Variants in PTPRT observed in about 807,000 individuals in gnomAD.
PTPRT encodes the protein receptor-type tyrosine-protein phosphatase T.
Under a neutral mutation model 176.8 loss-of-function variants are expected in PTPRT, and 56 were observed. The ratio of observed to expected loss-of-function variants is 0.32; its 90% CI spans 0.26 to 0.40. PTPRT has a LOEUF of 0.40. Ranked by LOEUF, PTPRT falls within the 10% of genes least tolerant of loss-of-function variation. The pLI is 1.00. For synonymous variants in PTPRT, 783 were observed against 739.0 expected, an observed-to-expected ratio of 1.06 and a Z score of -0.96; for missense variants, 1,540 against 1,908.2, an observed-to-expected ratio of 0.81 and a Z score of 3.60.
At chr20:42,611,588 C>A (rs1011707469) in intron 7 of PTPRT, among the ~76,000 whole-genome samples, 1 of 152,198 alleles carries the variant, frequency 6.6e-6, no homozygotes, top group African/African-American at 2.4e-5. Flanking sequence ...CGTCACGCCA[C>A]CTGCATAGCC....
At position 42,075,129 on chromosome 20, in the gene PTPRT, A is replaced by T; in HGVS notation, c.*5750T>A. ...CATGTATACATGGAAAACCTCCAAC[A>T]GGGAAACTTTGCATGGGAGGAGTAA... On this transcript the variant is annotated 3_prime_UTR_variant, in exon 31 of 31. Coordinates refer to ENST00000373187, the MANE Select transcript of PTPRT (RefSeq NM_007050.6). The T allele has an allele frequency of 3.1e-6, 1 of 326,942 alleles. No individual in the cohort carries two copies. Among genetic ancestry groups the T allele is most frequent in the East Asian group, 4.5e-5 (1 of 22,360 alleles). 20.3% of individuals were successfully genotyped at this position (326,942 alleles called of 1,614,324 possible).
chr20:42,239,517 G>A (rs1443703519), intron 14 of PTPRT, among the ~76,000 whole-genome samples: 2 of 150,494 alleles, frequency 1.3e-5, no homozygotes, highest in African/African-American at 4.9e-5. Context: ...CCACCTCCCG[G>A]GTCCACGCCA....
chr20:42,764,885 A>T (rs972759176), intron 5 of PTPRT, among the ~76,000 whole-genome samples: 2 of 152,188 alleles, frequency 1.3e-5, no homozygotes, highest in Non-Finnish European at 2.9e-5. Flanking sequence ...GTTCAGATGC[A>T]GGCAGGTAGG....
chr20:42,795,378 A>C (rs1160067851), intron 2 of PTPRT, among the ~76,000 whole-genome samples: 1 of 152,220 alleles, frequency 6.6e-6, no homozygotes, highest in Non-Finnish European at 1.5e-5. Flanking sequence ...TCTGCAACAC[A>C]GATCTCCTTT....
At chr20:42,622,342 T>C (rs568582215) in intron 7 of PTPRT, among the ~76,000 whole-genome samples, 57 of 151,988 alleles carry the variant, frequency 3.8e-4, no homozygotes, top group African/African-American at 7.2e-4. Flanking sequence ...CCTGGGTTCA[T>C]GCCATTCTCC....
intron 1 of PTPRT, among the ~76,000 whole-genome samples, chr20:43,066,229 G>A (rs1304298756): frequency 6.6e-6 from 1 of 152,118 alleles, no homozygotes; most frequent in African/African-American, 2.4e-5. Context: ...TCACCCAGAT[G>A]GCTTCCTGCT....
chr20:42,953,581 C>A (rs1393749387), intron 1 of PTPRT, among the ~76,000 whole-genome samples: 1 of 152,140 alleles, frequency 6.6e-6, no homozygotes, highest in East Asian at 1.9e-4. Flanking sequence ...CTGCAGTTAA[C>A]CCTGTAGAAT....
chr20:42,363,442 G>A (rs962063351), intron 9 of PTPRT, among the ~76,000 whole-genome samples: 1 of 149,016 alleles, frequency 6.7e-6, no homozygotes, highest in Non-Finnish European at 1.5e-5. Flanking sequence ...TCCCGAGTAA[G>A]TGGGATTACA....
downstream of PTPRT, chr20:42,072,657 A>T (rs1359903188): frequency 5.5e-6 from 1 of 181,604 alleles, no homozygotes; most frequent in African/African-American, 2.4e-5. Flanking sequence ...GGATTAACTT[A>T]AATATAAAGA....
chr20:42,069,590 T>C (rs1370063686), downstream of PTPRT, among the ~76,000 whole-genome samples: 1 of 152,224 alleles, frequency 6.6e-6, no homozygotes, highest in Non-Finnish European at 1.5e-5. Flanking sequence ...ATTAAAGTAA[T>C]ATAACATTTA....
intron 1 of PTPRT, among the ~76,000 whole-genome samples, chr20:43,027,474 T>TGA (rs1985960760): frequency 1.9e-5 from 1 of 51,486 alleles, no homozygotes; most frequent in African/African-American, 4.8e-5. Flanking sequence ...AGACTCCACC[T>TGA]CAAAAAAAAA....
chr20:42,205,492 T>G (rs1330864081), intron 15 of PTPRT, among the ~76,000 whole-genome samples: 1 of 152,114 alleles, frequency 6.6e-6, no homozygotes, highest in Non-Finnish European at 1.5e-5. Flanking sequence ...TTGGAGAAGT[T>G]CAAGTAGAGA....
chr20:42,864,890 A>G (rs1600491348), intron 2 of PTPRT, among the ~76,000 whole-genome samples: 2 of 152,258 alleles, frequency 1.3e-5, no homozygotes, highest in East Asian at 3.8e-4. Context: ...TTTGTTTGAA[A>G]TGGTCAAAAT....
chr20:42,979,726 T>C (rs376857271), intron 1 of PTPRT, among the ~76,000 whole-genome samples: 5 of 152,140 alleles, frequency 3.3e-5, no homozygotes, highest in African/African-American at 1.2e-4. Context: ...ATCCTAGGTC[T>C]CCAGTCTGGG....
intron 6 of PTPRT, among the ~76,000 whole-genome samples, chr20:42,724,752 C>T (rs968752776): frequency 6.6e-6 from 1 of 152,198 alleles, no homozygotes; most frequent in Admixed American, 6.5e-5. Flanking sequence ...GAGCTATCAT[C>T]CTGCCATTAC....
At chr20:43,017,796 A>G (rs1335315095) in intron 1 of PTPRT, among the ~76,000 whole-genome samples, 1 of 152,196 alleles carries the variant, frequency 6.6e-6, no homozygotes, top group Admixed American at 6.5e-5. Context: ...GTAGAGGAGG[A>G]GGCAGCTGGC....
At chr20:42,963,668 C>G (rs1192806826) in intron 1 of PTPRT, among the ~76,000 whole-genome samples, 1 of 151,950 alleles carries the variant, frequency 6.6e-6, no homozygotes, top group African/African-American at 2.4e-5. Context: ...CCCATACTTA[C>G]CATTAACAAC....
intron 6 of PTPRT, among the ~76,000 whole-genome samples, chr20:42,733,158 C>T (rs966273418): frequency 6.6e-6 from 1 of 152,184 alleles, no homozygotes; most frequent in Non-Finnish European, 1.5e-5. Flanking sequence ...GGGGTTTAAC[C>T]ACCTGCCCTG....
At chr20:42,202,829 G>A (rs1043119314) in intron 15 of PTPRT, among the ~76,000 whole-genome samples, 1 of 152,250 alleles carries the variant, frequency 6.6e-6, no homozygotes, top group African/African-American at 2.4e-5. Context: ...AAGTAATATG[G>A]AAAGGGTTGT....
Sources: gnomAD v4.1 joint callset for allele counts (sites outside exome capture counted in the v4.1 genomes callset) on GRCh38, gnomAD v4.1.1 for gene constraint, MANE v1.5 for transcripts, NCBI Gene and HGNC (gene_info 2026-07-23, HGNC 2026-07-21) for gene names.